PPP1R12B: variants seen among roughly 807,000 people sequenced by gnomAD.
PPP1R12B encodes the protein myosin phosphatase target subunit 2.
A neutral mutation model predicts 126.1 loss-of-function variants in PPP1R12B; 76 were observed. The ratio of observed to expected loss-of-function variants is 0.60; its 90% CI spans 0.50 to 0.73. The LOEUF (loss-of-function observed/expected upper bound fraction) is 0.73, where lower values mean the gene tolerates loss of function less well. Among genes scored for constraint, PPP1R12B ranks in the 30% least tolerant of loss-of-function variants. The pLI, the probability that PPP1R12B is intolerant of heterozygous loss-of-function variation, is 0.00. For missense variants in PPP1R12B, 1,052 were observed against 1,205.1 expected, an observed-to-expected ratio of 0.87 and a Z score of 1.88; for synonymous variants, 356 against 434.7, an observed-to-expected ratio of 0.82 and a Z score of 2.25.
intron 5 of PPP1R12B, among the ~76,000 whole-genome samples, chr1:202,428,329 A>T (rs1669814159): frequency 6.6e-6 from 1 of 152,210 alleles, no homozygotes; most frequent in Non-Finnish European, 1.5e-5. Flanking sequence ...AGATATTCTT[A>T]TCTGTGTCAC....
chr1:202,556,819 A>C (rs1309522977), intron 18 of PPP1R12B, among the ~76,000 whole-genome samples: 1 of 152,150 alleles, frequency 6.6e-6, no homozygotes, highest in African/African-American at 2.4e-5. Flanking sequence ...GATGCTTTAC[A>C]TTTGCTGGTA....
chr1:202,360,010 A>AT (rs1266134558), intron 1 of PPP1R12B, among the ~76,000 whole-genome samples: 6 of 150,998 alleles, frequency 4.0e-5, no homozygotes, highest in East Asian at 1.9e-4. Context: ...TTTCCTCCTC[A>AT]TTTTTTTTCT....
At chr1:202,576,467 A>G (rs1322685055) in intron 23 of PPP1R12B, 1 of 152,340 alleles carries the variant, frequency 6.6e-6, no homozygotes, top group East Asian at 1.9e-4. Context: ...CACCCGAATT[A>G]TCATAGGGCT....
At position 202,415,191 on chromosome 1, in the gene PPP1R12B, C is replaced by T. The variant is rs1202191546; in HGVS notation, c.292-1596C>T. Among the ~76,000 whole-genome samples the T allele has an allele frequency of 2.0e-5, 3 of 152,182 alleles. No individual in the cohort carries two copies. In the East Asian group the frequency reaches 5.8e-4, roughly 29 times the overall value. Reference sequence around the variant, plus strand: ...ATTAAAAAAAACATTTCTACTACTTCTTCAAGGTTATTCTTAAGTGAAACT... The same window carrying T: ...ATTAAAAAAAACATTTCTACTACTTTTTCAAGGTTATTCTTAAGTGAAACT... On this transcript the variant is annotated intron_variant, in intron 1 of 23. Transcript: ENST00000608999.
In PPP1R12B at chr1:202,348,848, A is replaced by C; in HGVS notation, c.-4A>C. ...TTTTGGCAGCAGCTGCCGAGGCCGG[A>C]GCAATGGCGGAACTGGAGCACCTAG... is the stretch of plus-strand genomic sequence containing the variant. On this transcript the variant is annotated 5_prime_UTR_variant, in exon 1 of 24. Transcript: ENST00000608999. 1 of 1,605,884 alleles carries C rather than the reference A, an allele frequency of 6.2e-7. No individual in the cohort carries two copies. The highest frequency in any genetic ancestry group is 1.1e-5 in the South Asian group (1 of 90,226).
At chr1:202,567,612 C>G (rs1256949546) in intron 21 of PPP1R12B, 166 bp from the exon 22 acceptor site, 12 of 659,562 alleles carry the variant, frequency 1.8e-5, no homozygotes, top group Non-Finnish European at 3.1e-5. Flanking sequence ...TAATGTTAGG[C>G]TTAGAGATCT....
At chr1:202,472,871 A>G (rs528516257) in intron 13 of PPP1R12B, among the ~76,000 whole-genome samples, 5 of 152,232 alleles carry the variant, frequency 3.3e-5, no homozygotes, top group Non-Finnish European at 5.9e-5. Flanking sequence ...CACAGCAAGC[A>G]GTAGTCACAC....
At chr1:202,446,597 A>G (rs1039094837) in intron 12 of PPP1R12B, among the ~76,000 whole-genome samples, 1 of 148,590 alleles carries the variant, frequency 6.7e-6, no homozygotes, top group Admixed American at 6.7e-5. Context: ...TATATATTAT[A>G]TAATAATACT....
intron 18 of PPP1R12B, among the ~76,000 whole-genome samples, chr1:202,500,317 G>A (rs1680075792): frequency 6.6e-6 from 1 of 151,754 alleles, no homozygotes; most frequent in Admixed American, 6.6e-5. Context: ...ATTCACAATA[G>A]CTAGGATATG....
chr1:202,502,443 A>G, intron 18 of PPP1R12B: 1 of 984,364 alleles, frequency 1.0e-6, no homozygotes. Context: ...AATATACCAG[A>G]AGCCACTAAA....
chr1:202,501,800 G>A, intron 18 of PPP1R12B: 1 of 961,582 alleles, frequency 1.0e-6, no homozygotes, highest in Non-Finnish European at 1.2e-6. Context: ...AAGCAAACCT[G>A]AAATTAGGAC....
chr1:202,353,429 A>G (rs1374762852), intron 1 of PPP1R12B, among the ~76,000 whole-genome samples: 1 of 151,576 alleles, frequency 6.6e-6, no homozygotes, highest in African/African-American at 2.4e-5. Flanking sequence ...TTAGTAGCTT[A>G]CCTCTTCAAA....
In PPP1R12B at chr1:202,439,582, C is replaced by T. The variant is rs536002552; in HGVS notation, c.1459-1124C>T. 100 of 1,295,098 alleles carry T rather than the reference C, an allele frequency of 7.7e-5. 1 individual carries two copies. The South Asian group carries it at 1.1e-3, about 14-fold the overall frequency. The allele number at this position is 1,295,098 out of a possible 1,614,324, so 80.2% of individuals were successfully genotyped here. A position where few individuals can be genotyped will look rare whatever the true frequency, so the allele number is the denominator to read the frequency against. On this transcript the variant is annotated intron_variant, in intron 10 of 23. Transcript: ENST00000608999. ...GCCAGGAACTGACCACCCAGGTGGC[C>T]GCCACCCCCTCTGTACACCATGGAC... is the stretch of plus-strand genomic sequence containing the variant.
chr1:202,539,135 T>G (rs1572436957), intron 18 of PPP1R12B, among the ~76,000 whole-genome samples: 2 of 152,196 alleles, frequency 1.3e-5, no homozygotes, highest in East Asian at 3.9e-4. Context: ...TGGGCGTTGT[T>G]ACTTAAGAGA....
At chr1:202,385,893 G>A (rs1663039086) in intron 1 of PPP1R12B, among the ~76,000 whole-genome samples, 1 of 151,844 alleles carries the variant, frequency 6.6e-6, no homozygotes. Context: ...GGAGACTGCT[G>A]TAACCATAAG....
chr1:202,584,329 C>G lies in PPP1R12B; in HGVS notation c.*3769C>G, dbSNP rs1264632835. 6.6e-6 allele frequency: 1 copy of G among 152,188 alleles called. No homozygotes were observed. The highest frequency in any genetic ancestry group is 1.5e-5 in the Non-Finnish European group (1 of 68,038). The allele number at this position is 152,188 out of a possible 1,614,324, so 9.4% of individuals were successfully genotyped here. ...GCCACTAGTGAGATTTCAGATCTCT[C>G]TTTTGCAACATTTTACCCATTTCCC... On this transcript the variant is annotated 3_prime_UTR_variant, in exon 24 of 24. Transcript: ENST00000608999.
intron 13 of PPP1R12B, among the ~76,000 whole-genome samples, chr1:202,467,372 C>T (rs1255629205): frequency 5.3e-5 from 8 of 151,904 alleles, no homozygotes; most frequent in Admixed American, 5.3e-4. Flanking sequence ...TATCCCTCCC[C>T]GCTCCCCCCA....
chr1:202,563,368 C>T (rs1687721334), intron 20 of PPP1R12B, among the ~76,000 whole-genome samples: 1 of 152,174 alleles, frequency 6.6e-6, no homozygotes, highest in Non-Finnish European at 1.5e-5. Context: ...CTTCCCACCT[C>T]AGCCTCCCAA....
chr1:202,495,828 T>C, intron 17 of PPP1R12B, 146 bp downstream of exon 17: 1 of 711,392 alleles, frequency 1.4e-6, no homozygotes, highest in South Asian at 1.9e-5. Context: ...AAGAAAGACC[T>C]AACTAGTGTG....
Sources: gnomAD v4.1 joint callset for allele counts (sites outside exome capture counted in the v4.1 genomes callset) on GRCh38, gnomAD v4.1.1 for gene constraint, MANE v1.5 for transcripts, NCBI Gene and HGNC (gene_info 2026-07-23, HGNC 2026-07-21) for gene names.